Variants in CRACD observed in about 807,000 individuals in gnomAD.
CRACD encodes capping protein-inhibiting regulator of actin dynamics.
CRACD carries 56 observed loss-of-function variants against 106.8 expected under a neutral mutation model. The observed-to-expected ratio is 0.52, with a 90% CI of 0.42 to 0.66. The LOEUF (loss-of-function observed/expected upper bound fraction) is 0.66, where lower values mean the gene tolerates loss of function less well. Ranked by LOEUF, CRACD falls within the 30% of genes least tolerant of loss-of-function variation. The pLI, the probability that CRACD is intolerant of heterozygous loss-of-function variation, is 0.00. For synonymous variants in CRACD, 754 were observed against 670.8 expected (o/e 1.12, Z -1.92); for missense variants, 1,730 against 1,623.2 (o/e 1.07, Z -1.13).
At chr4:56,165,003 A>G (rs1736090346) in intron 1 of CRACD, among the ~76,000 whole-genome samples, 1 of 152,224 alleles carries the variant, frequency 6.6e-6, no homozygotes, top group South Asian at 2.1e-4. Context: ...AAAGAGAAAC[A>G]ACTTGGGCAG....
chr4:56,131,622 G>C (rs1256679991), intron 1 of CRACD, among the ~76,000 whole-genome samples: 2 of 152,152 alleles, frequency 1.3e-5, no homozygotes, highest in Non-Finnish European at 2.9e-5. Context: ...GGGAGACACT[G>C]TTCCAAACCT....
In CRACD at chr4:56,315,586, A is replaced by G. The variant is rs746945367; in HGVS notation, c.2084A>G (p.Asp695Gly). Residue 695 changes from aspartate to glycine, a missense_variant, in exon 8 of 11, where the codon GAT (aspartate) becomes GGT (glycine). Physicochemically the swap from Asp to Gly is moderately conservative, Grantham distance 94. Around this residue, in one of 5 missense-constraint regions of CRACD, gnomAD observed 1,620 missense variants for 1,481.6 expected, o/e 1.09. Transcript: ENST00000682029. This position sits in a 1 kb window ranked among gnomAD's most constrained non-coding sequence, Gnocchi z 4.1. ...SSERDQLRPG[D>G]ESTPRGRCDS... ...GAGAGGGACCAGTTGAGGCCCGGTG[A>G]TGAGTCCACTCCCAGGGGCCGGTGT... 10 of 1,614,020 alleles carry G rather than the reference A, an allele frequency of 6.2e-6. No individual in the cohort carries two copies. In the Admixed American group the frequency reaches 1.3e-4, roughly 22 times the overall value.
At chr4:56,162,011 G>T (rs1237399755) in intron 1 of CRACD, among the ~76,000 whole-genome samples, 1 of 151,940 alleles carries the variant, frequency 6.6e-6, no homozygotes, top group East Asian at 1.9e-4. Flanking sequence ...TGATCTGCCC[G>T]CCTCGGCCTC....
At chr4:56,271,337 C>G (rs779290748) in intron 2 of CRACD, among the ~76,000 whole-genome samples, 1 of 152,154 alleles carries the variant, frequency 6.6e-6, no homozygotes, top group Non-Finnish European at 1.5e-5. Flanking sequence ...GGCAGCAAGC[C>G]TAGTTCCTGA....
chr4:56,220,136 CAGCTTTGATCAGCAACCATACCTGT>C (rs1421316200), intron 2 of CRACD, among the ~76,000 whole-genome samples: 4 of 152,198 alleles, frequency 2.6e-5, no homozygotes, highest in Non-Finnish European at 5.9e-5. Context: ...TCCTTCACTG[CAGCTTTGATCAGCAACCATACCTGT>C]ATTCTTATTA....
rs374686683 is a variant in CRACD at position 56,125,522 on chromosome 4, A to G, written c.-335-53762A>G. On this transcript the variant is annotated intron_variant, in intron 1 of 10. Transcript: ENST00000682029. ...CATCCTCAACCTCCTGGGCTCTAGC[A>G]GTCCTCCCACCTCAGCCTTCTGAGT... Among the ~76,000 whole-genome samples, 4 of 152,012 alleles carry G rather than the reference A, an allele frequency of 2.6e-5. No individual in the cohort carries two copies. In the East Asian group the frequency reaches 5.8e-4, roughly 22 times the overall value.
At chr4:56,179,701 T>C (rs1022890060) in intron 2 of CRACD, among the ~76,000 whole-genome samples, 1 of 152,124 alleles carries the variant, frequency 6.6e-6, no homozygotes, top group Admixed American at 6.5e-5. Flanking sequence ...GTTTTGTAAA[T>C]GGGAGAGGAC....
chr4:56,122,049 C>G (rs1241084722), intron 1 of CRACD, among the ~76,000 whole-genome samples: 5 of 152,098 alleles, frequency 3.3e-5, no homozygotes, highest in African/African-American at 1.2e-4. Context: ...TGGTGTGCAC[C>G]TGTAGTCCCA....
intron 2 of CRACD, among the ~76,000 whole-genome samples, chr4:56,236,775 G>A (rs1006536255): frequency 6.7e-6 from 1 of 149,690 alleles, no homozygotes; most frequent in Admixed American, 6.7e-5. Context: ...TGCAAAATAT[G>A]CCATGAGAAA....
intron 2 of CRACD, among the ~76,000 whole-genome samples, chr4:56,185,133 A>G (rs892528012): frequency 2.6e-5 from 4 of 151,862 alleles, no homozygotes; most frequent in African/African-American, 9.7e-5. Context: ...ATTTTTTTAT[A>G]TTTTTAGTAG....
In CRACD at chr4:56,328,428, G is replaced by A. The variant is rs1196064741; in HGVS notation, c.*624G>A. The stretch of plus-strand genomic sequence containing the variant: ...AGGCACATCCATTCACATTTTTACC[G>A]CACTGTGGATTCATAGTGTGGGGCC... On this transcript the variant is annotated 3_prime_UTR_variant, in exon 11 of 11. Coordinates refer to ENST00000682029, the MANE Select transcript of CRACD (RefSeq NM_001393381.1). The A allele has an allele frequency of 9.7e-6, 5 of 517,826 alleles. No homozygotes were observed. The highest frequency in any genetic ancestry group is 2.8e-5 in the South Asian group (2 of 71,266). The allele number at this position is 517,826 out of a possible 1,614,324, so 32.1% of individuals were successfully genotyped here.
intron 1 of CRACD, among the ~76,000 whole-genome samples, chr4:56,132,998 T>A (rs1476251724): frequency 6.6e-6 from 1 of 152,182 alleles, no homozygotes; most frequent in Non-Finnish European, 1.5e-5. Context: ...CACTCCAATA[T>A]CTGACCTATT....
intron 1 of CRACD, among the ~76,000 whole-genome samples, chr4:56,126,750 A>G (rs1045806971): frequency 2.6e-5 from 4 of 152,220 alleles, no homozygotes; most frequent in Non-Finnish European, 4.4e-5. Flanking sequence ...TCTAAAGCCC[A>G]GTTATCTCTA....
Position 56,313,354 on chromosome 4 carries a change from C to T in CRACD, c.512C>T (p.Ser171Leu). 1.2e-6 allele frequency: 2 copies of T among 1,613,976 alleles called. No homozygotes were observed. Residue 171 changes from serine to leucine, a missense_variant, in exon 7 of 11, where the codon TCA becomes TTA. Transcript: ENST00000682029. ...GTTAAGCCAAAAAAACAGAGGGTGTCAAAGAAGCACAGGCGCCTTGCCCAG... is the reference window on the plus strand; with the variant it reads ...GTTAAGCCAAAAAAACAGAGGGTGTTAAAGAAGCACAGGCGCCTTGCCCAG... ...LAVKPKKQRV[S>L]KKHRRLAQDP... is the part of the protein sequence containing the mutation.
chr4:56,323,631 A>G, intron 9 of CRACD, 64 bp downstream of exon 9: 1 of 1,422,912 alleles, frequency 7.0e-7, no homozygotes, highest in Non-Finnish European at 9.3e-7. Context: ...TTCAGTCACA[A>G]GGATACAAAA....
intron 1 of CRACD, among the ~76,000 whole-genome samples, chr4:56,053,825 T>G (rs1054835813): frequency 6.6e-6 from 1 of 152,164 alleles, no homozygotes; most frequent in African/African-American, 2.4e-5. Context: ...GTTTCATGGT[T>G]TATTTATGTG....
intron 1 of CRACD, among the ~76,000 whole-genome samples, chr4:56,159,068 T>A (rs1735857072): frequency 6.6e-6 from 1 of 152,196 alleles, no homozygotes; most frequent in Non-Finnish European, 1.5e-5. Flanking sequence ...TACTTTATAG[T>A]GTTGTGACGA....
intron 1 of CRACD, among the ~76,000 whole-genome samples, chr4:56,073,031 G>A (rs1281698805): frequency 2.0e-5 from 3 of 152,142 alleles, no homozygotes; most frequent in Admixed American, 2.0e-4. Flanking sequence ...TTGGTTCCAA[G>A]TCTTTGCTAT....
Position 56,316,369 on chromosome 4 carries a change from C to T in CRACD, c.2867C>T (p.Pro956Leu). 1 of 1,614,126 alleles carries T rather than the reference C, an allele frequency of 6.2e-7. No individual in the cohort carries two copies. Among genetic ancestry groups the T allele is most frequent in the South Asian group, 1.1e-5 (1 of 91,090 alleles). Residue 956 changes from proline (P) to leucine (L), a missense_variant, in exon 8 of 11, where the codon CCA (proline) becomes CTA (leucine). This residue lies in a region of CRACD where 1,620 missense variants were observed against 1,481.6 expected (regional missense o/e 1.09). Coordinates refer to ENST00000682029, the MANE Select transcript of CRACD (RefSeq NM_001393381.1). ...PEHDKAANKM[P>L]LAQKPALAPK... ...CACGACAAGGCAGCAAACAAAATGCCACTGGCACAAAAGCCAGCACTGGCT... is the reference window on the plus strand; with the variant it reads ...CACGACAAGGCAGCAAACAAAATGCTACTGGCACAAAAGCCAGCACTGGCT...
Sources: allele counts gnomAD v4.1 joint callset (sites outside exome capture counted in the v4.1 genomes callset), GRCh38; gene constraint gnomAD v4.1.1; regional missense constraint gnomAD v4.1.1; non-coding constraint Gnocchi (gnomAD v3.1); transcripts MANE v1.5; gene names NCBI Gene and HGNC (gene_info 2026-07-23, HGNC 2026-07-21).